Variants in C1orf21 observed in about 807,000 individuals in gnomAD.
The protein encoded by C1orf21 is uncharacterized protein C1orf21.
Under a neutral mutation model 18.7 loss-of-function variants are expected in C1orf21, and 3 were observed. That is an observed-to-expected ratio of 0.16 (90% confidence interval 0.07 to 0.42). C1orf21 has a LOEUF of 0.42. Among genes scored for constraint, C1orf21 ranks in the 10% least tolerant of loss-of-function variants. The pLI is 0.99. For missense variants in C1orf21, 104 were observed against 143.6 expected (o/e 0.72, Z 1.41); for synonymous variants, 41 against 46.4 (o/e 0.88, Z 0.47).
At chr1:184,609,827 A>G (rs545249931) in intron 5 of C1orf21, among the ~76,000 whole-genome samples, 20 of 152,386 alleles carry the variant, frequency 1.3e-4, no homozygotes, top group African/African-American at 3.8e-4. Context: ...AAATGGTATA[A>G]AAATGTCATG....
chr1:184,454,963 G>A (rs1657176679), intron 1 of C1orf21, among the ~76,000 whole-genome samples: 2 of 152,132 alleles, frequency 1.3e-5, no homozygotes, highest in African/African-American at 4.8e-5. Flanking sequence ...AGAGGGCAAG[G>A]TCACATTCTT....
chr1:184,469,205 G>T (rs528403328), intron 1 of C1orf21, among the ~76,000 whole-genome samples: 1 of 152,154 alleles, frequency 6.6e-6, no homozygotes, highest in Non-Finnish European at 1.5e-5. Context: ...AGCCGAGGTC[G>T]CGCCACTGCA....
At chr1:184,497,723 T>C (rs1223272428) in intron 2 of C1orf21, among the ~76,000 whole-genome samples, 5 of 152,226 alleles carry the variant, frequency 3.3e-5, no homozygotes, top group African/African-American at 9.6e-5. Context: ...ATTTCGTTAA[T>C]GATTTTGCAG....
At chr1:184,591,569 G>A (rs986564036) in intron 4 of C1orf21, among the ~76,000 whole-genome samples, 4 of 152,216 alleles carry the variant, frequency 2.6e-5, no homozygotes, top group Admixed American at 2.6e-4. Context: ...CACTTTGGGA[G>A]GCCAAGGCGG....
intron 1 of C1orf21, among the ~76,000 whole-genome samples, chr1:184,476,082 A>T (rs1278842103): frequency 6.6e-6 from 1 of 152,118 alleles, no homozygotes; most frequent in Non-Finnish European, 1.5e-5. Flanking sequence ...CATTTATTAG[A>T]TCGATTATGT....
intron 1 of C1orf21, chr1:184,408,345 A>G (rs566567648): frequency 6.6e-6 from 1 of 152,296 alleles, no homozygotes; most frequent in Admixed American, 6.5e-5. Context: ...TTATTTGCAA[A>G]TCAAACATAA....
rs749341511 is a variant in C1orf21 at position 184,619,746 on chromosome 1, C to A, written c.*190C>A. On this transcript the variant is annotated 3_prime_UTR_variant, in exon 6 of 6. Coordinates refer to ENST00000235307, the MANE Select transcript of C1orf21 (RefSeq NM_030806.4). Reference sequence around the variant, plus strand: ...GCAAAGGAATATTGCTAAAAACAAACAAAAAAAACTGTTATCGAACTTTCT... The same window carrying A: ...GCAAAGGAATATTGCTAAAAACAAAAAAAAAAAACTGTTATCGAACTTTCT... The A allele has an allele frequency of 1.1e-5, 5 of 471,514 alleles. No individual in the cohort carries two copies. The highest frequency in any genetic ancestry group is 1.8e-5 in the Non-Finnish European group (5 of 274,818). The allele number at this position is 471,514 out of a possible 1,614,324, so 29.2% of individuals were successfully genotyped here. A position where few individuals can be genotyped will look rare whatever the true frequency, so the allele number is the denominator to read the frequency against.
At position 184,477,578 on chromosome 1, in the gene C1orf21, C is replaced by A. The variant is rs771892964; in HGVS notation, c.69C>A (p.Asn23Lys). The change falls in exon 2 of 6, where the codon AAC becomes AAA. Residue 23 changes from asparagine to lysine, a missense_variant. Coordinates refer to ENST00000235307, the MANE Select transcript of C1orf21 (RefSeq NM_030806.4). ...AAGAGGAAGCCCAGAAAGGGAAAAACTACCAGAACGGAGATGTGTTTGGCG... is the reference window on the plus strand; with the variant it reads ...AAGAGGAAGCCCAGAAAGGGAAAAAATACCAGAACGGAGATGTGTTTGGCG... ...QNEEEAQKGKNYQNGDVFGDE... is the reference protein window; with the variant it reads ...QNEEEAQKGKKYQNGDVFGDE... 1 of 1,613,890 alleles carries A rather than the reference C, an allele frequency of 6.2e-7. No individual in the cohort carries two copies. The highest frequency in any genetic ancestry group is 1.3e-5 in the African/African-American group (1 of 74,916).
intron 3 of C1orf21, among the ~76,000 whole-genome samples, chr1:184,583,799 C>T (rs1659314871): frequency 6.6e-6 from 1 of 152,172 alleles, no homozygotes; most frequent in Non-Finnish European, 1.5e-5. Flanking sequence ...GAAAAACGAA[C>T]TGCCTGTGGA....
chr1:184,530,112 T>C (rs182950123), intron 3 of C1orf21, among the ~76,000 whole-genome samples: 54 of 152,334 alleles, frequency 3.5e-4, no homozygotes, highest in South Asian at 6.2e-4. Flanking sequence ...TAGTAGATGC[T>C]TTAGTTATTA....
chr1:184,543,450 G>A (rs1286355542), intron 3 of C1orf21, among the ~76,000 whole-genome samples: 1 of 152,176 alleles, frequency 6.6e-6, no homozygotes, highest in Non-Finnish European at 1.5e-5. Context: ...AAATCAGCTA[G>A]TTAGTTTAAT....
intron 3 of C1orf21, among the ~76,000 whole-genome samples, chr1:184,548,904 T>C (rs535423924): frequency 1.3e-5 from 2 of 152,304 alleles, no homozygotes; most frequent in African/African-American, 2.4e-5. Context: ...ACCATAGTTA[T>C]CAGACCCACT....
chr1:184,562,655 G>A (rs1194278691), intron 3 of C1orf21, among the ~76,000 whole-genome samples: 2 of 152,216 alleles, frequency 1.3e-5, no homozygotes, highest in African/African-American at 2.4e-5. Context: ...CAGCACACAC[G>A]AATGATTCTT....
At chr1:184,559,706 A>C (rs1292270622) in intron 3 of C1orf21, among the ~76,000 whole-genome samples, 1 of 150,406 alleles carries the variant, frequency 6.6e-6, no homozygotes, top group Non-Finnish European at 1.5e-5. Context: ...GGCTCACTAC[A>C]ACCTGAGCTC....
intron 2 of C1orf21, among the ~76,000 whole-genome samples, chr1:184,495,564 A>G (rs891193079): frequency 2.6e-5 from 4 of 151,996 alleles, no homozygotes; most frequent in African/African-American, 9.7e-5. Flanking sequence ...CCCTCCCCCC[A>G]CTACCAGCAT....
intron 3 of C1orf21, among the ~76,000 whole-genome samples, chr1:184,536,919 C>A (rs1340271098): frequency 3.3e-5 from 5 of 151,690 alleles, no homozygotes; most frequent in Non-Finnish European, 7.4e-5. Context: ...AACAAATTAA[C>A]TGGGACCTTA....
chr1:184,490,460 G>A (rs1177390260), intron 2 of C1orf21, among the ~76,000 whole-genome samples: 1 of 152,224 alleles, frequency 6.6e-6, no homozygotes, highest in African/African-American at 2.4e-5. Context: ...AGGAGGTTTA[G>A]GCTGAGAGTC....
intron 1 of C1orf21, among the ~76,000 whole-genome samples, chr1:184,450,522 A>C (rs929618902): frequency 6.6e-6 from 1 of 152,206 alleles, no homozygotes; most frequent in African/African-American, 2.4e-5. Flanking sequence ...TAGCAGAGGT[A>C]ATACTCCTAG....
At chr1:184,449,249 T>G (rs1657082245) in intron 1 of C1orf21, among the ~76,000 whole-genome samples, 1 of 150,144 alleles carries the variant, frequency 6.7e-6, no homozygotes, top group South Asian at 2.1e-4. Context: ...CCTTCCTGTG[T>G]CCATGTGTTC....
Sources: allele counts gnomAD v4.1 joint callset (sites outside exome capture counted in the v4.1 genomes callset), GRCh38; gene constraint gnomAD v4.1.1; transcripts MANE v1.5; gene names NCBI Gene and HGNC (gene_info 2026-07-23, HGNC 2026-07-21).